Variants in SLC38A1 observed in about 807,000 individuals in gnomAD.
The protein encoded by SLC38A1 is sodium-coupled neutral amino acid symporter 1.
A neutral mutation model predicts 60.3 loss-of-function variants in SLC38A1; 18 were observed. That is an observed-to-expected ratio of 0.30 (90% CI 0.21 to 0.44). SLC38A1 has a LOEUF of 0.44. Ranked by LOEUF, SLC38A1 falls within the 20% of genes least tolerant of loss-of-function variation. SLC38A1 has a pLI of 1.00. For synonymous variants in SLC38A1, 196 were observed against 212.1 expected, an observed-to-expected ratio of 0.92 and a Z score of 0.66; for missense variants, 448 against 587.2, an observed-to-expected ratio of 0.76 and a Z score of 2.45.
At chr12:46,198,205 T>C (rs1238295328) in intron 14 of SLC38A1, 145 bp from the exon 15 acceptor site, 1 of 883,396 alleles carries the variant, frequency 1.1e-6, no homozygotes, top group Non-Finnish European at 1.7e-6. Flanking sequence ...GCTTAACAGT[T>C]TTGGAAGTAC....
chr12:46,256,479 G>A (rs1338610404), intron 1 of SLC38A1, among the ~76,000 whole-genome samples: 2 of 152,102 alleles, frequency 1.3e-5, no homozygotes, highest in African/African-American at 4.8e-5. Flanking sequence ...CTTAAGCTGG[G>A]AATTCAACCC....
chr12:46,210,674 G>A (rs1940121050), intron 5 of SLC38A1, among the ~76,000 whole-genome samples: 1 of 152,102 alleles, frequency 6.6e-6, no homozygotes, highest in Non-Finnish European at 1.5e-5. Flanking sequence ...TTGTGGTAGT[G>A]AATAAGTCTC....
intron 2 of SLC38A1, among the ~76,000 whole-genome samples, chr12:46,240,360 C>A (rs1474063902): frequency 6.6e-6 from 1 of 152,136 alleles, no homozygotes; most frequent in African/African-American, 2.4e-5. Flanking sequence ...CCACGCCTGG[C>A]AAATTTTTGT....
intron 13 of SLC38A1, among the ~76,000 whole-genome samples, chr12:46,199,806 G>T (rs1253876832): frequency 6.6e-6 from 1 of 152,066 alleles, no homozygotes; most frequent in Non-Finnish European, 1.5e-5. Context: ...TCCTGCAAGG[G>T]CCTCTCACTG....
chr12:46,201,717 T>C (rs2137064741), intron 12 of SLC38A1, among the ~76,000 whole-genome samples: 1 of 152,048 alleles, frequency 6.6e-6, no homozygotes, highest in Middle Eastern at 3.4e-3. Context: ...GCTGGAATGA[T>C]GAAGGGCTCC....
chr12:46,234,171 T>C (rs561934744), intron 3 of SLC38A1, among the ~76,000 whole-genome samples: 2 of 152,216 alleles, frequency 1.3e-5, no homozygotes, highest in Non-Finnish European at 2.9e-5. Context: ...CTACACTCTG[T>C]CAACACTGAA....
intron 5 of SLC38A1, among the ~76,000 whole-genome samples, chr12:46,226,819 G>C (rs1480586115): frequency 3.3e-5 from 5 of 152,012 alleles, no homozygotes; most frequent in African/African-American, 1.2e-4. Context: ...GTTTCACCAT[G>C]TTGGCAAGGC....
chr12:46,209,228 T>C (rs922948162), intron 5 of SLC38A1, 101 bp from the exon 6 acceptor site: 5 of 769,690 alleles, frequency 6.5e-6, no homozygotes, highest in African/African-American at 3.6e-5. Context: ...GTTAACACTA[T>C]TTGTTAATAG....
chr12:46,250,705 AAC>A (rs1941806800), intron 1 of SLC38A1, among the ~76,000 whole-genome samples: 1 of 152,178 alleles, frequency 6.6e-6, no homozygotes, highest in Admixed American at 6.5e-5. Context: ...CAGACAGACA[AAC>A]AGAGAGCCAA....
At chr12:46,233,653 T>A (rs1005861879) in intron 3 of SLC38A1, among the ~76,000 whole-genome samples, 2 of 152,202 alleles carry the variant, frequency 1.3e-5, no homozygotes, top group African/African-American at 4.8e-5. Flanking sequence ...AGTCCCTGTA[T>A]GACTGCCAGC....
chr12:46,202,690 G>A (rs763408708), intron 12 of SLC38A1, among the ~76,000 whole-genome samples: 29 of 152,132 alleles, frequency 1.9e-4, no homozygotes, highest in Admixed American at 3.9e-4. Flanking sequence ...ATACGCATAC[G>A]TAATGGAAAG....
chr12:46,231,744 A>G (rs1399040126), intron 3 of SLC38A1, among the ~76,000 whole-genome samples: 2 of 152,154 alleles, frequency 1.3e-5, no homozygotes, highest in Non-Finnish European at 2.9e-5. Flanking sequence ...GGCTCAAGTG[A>G]TTCTAGTGCC....
In SLC38A1 at chr12:46,217,882, T is replaced by C. The variant is rs556771475; in HGVS notation, c.315-8755A>G. ...ACCGTTCTTTCCATTTCTTTCCTTG[T>C]AGGTAAATCTAAGCTCTGTGGTGCA... On this transcript the variant is annotated intron_variant, in intron 5 of 16. Coordinates refer to ENST00000398637, the MANE Select transcript of SLC38A1 (RefSeq NM_030674.4). Among the ~76,000 whole-genome samples the C allele has an allele frequency of 9.8e-5, 15 of 152,346 alleles. No individual in the cohort carries two copies. In the South Asian group the frequency reaches 1.9e-3, roughly 19 times the overall value.
rs375394666 is a variant in SLC38A1, at chr12:46,266,687, G to C, written c.-209+1839C>G. Among the ~76,000 whole-genome samples the C allele has an allele frequency of 1.8e-4, 27 of 152,126 alleles. 1 individual carries two copies. The highest frequency in any genetic ancestry group is 8.5e-4 in the Admixed American group (13 of 15,282). ...ATATAGTCTATTTCCCCCTGAGAAC[G>C]GAAGCTTCATAGAAGGTGAAACAAA... On this transcript the variant is annotated intron_variant, in intron 1 of 16. Transcript: ENST00000398637.
At chr12:46,256,600 T>TGCGC (rs199718377) in intron 1 of SLC38A1, among the ~76,000 whole-genome samples, 40 of 141,646 alleles carry the variant, frequency 2.8e-4, no homozygotes, top group African/African-American at 9.5e-4. Flanking sequence ...TCATCCAGTT[T>TGCGC]GCGCGCGCGC....
intron 2 of SLC38A1, 83 bp from the exon 3 acceptor site, chr12:46,239,976 T>C: frequency 1.7e-6 from 1 of 586,874 alleles, no homozygotes; most frequent in Non-Finnish European, 2.9e-6. Flanking sequence ...AAACAAGTAG[T>C]TAATTTACTG....
rs768586956 is a variant in SLC38A1 at position 46,198,021 on chromosome 12, A to G, written c.1162T>C (p.Phe388Leu). Residue 388 changes from phenylalanine to leucine, a missense_variant, in exon 15 of 17, where the codon TTT becomes CTT. Phe to Leu is a conservative substitution (Grantham distance 22, BLOSUM62 0). Around this residue, in one of 2 missense-constraint regions of SLC38A1, gnomAD observed 346 missense variants for 497.5 expected, o/e 0.70. Coordinates refer to ENST00000398637, the MANE Select transcript of SLC38A1 (RefSeq NM_030674.4). ...ACCACGGTATGACGACATAAATTAA[A>G]CTTTGTTTTCTTAGCCAGTTCAAAT... ...SLFELAKKTKFNLCRHTVVTC... is the reference protein window; with the variant it reads ...SLFELAKKTKLNLCRHTVVTC... 3.1e-6 allele frequency: 5 copies of G among 1,613,876 alleles called. No individual in the cohort carries two copies. In the African/African-American group the frequency reaches 5.3e-5, roughly 17 times the overall value.
chr12:46,232,199 G>C (rs963946323), intron 3 of SLC38A1, among the ~76,000 whole-genome samples: 1 of 152,160 alleles, frequency 6.6e-6, no homozygotes, highest in Non-Finnish European at 1.5e-5. Context: ...AAAGGATGTG[G>C]AAGAAAAACC....
In SLC38A1 at chr12:46,184,015, C is replaced by T. The variant is rs919699682; in HGVS notation, c.*4955G>A. On this transcript the variant is annotated 3_prime_UTR_variant, in exon 17 of 17. Transcript: ENST00000398637. ...ATTTATTTACAATAATATTTACATACAAATGAAGTATTTCCTGCAATAAGC... is the reference window on the plus strand; with the variant it reads ...ATTTATTTACAATAATATTTACATATAAATGAAGTATTTCCTGCAATAAGC... The T allele has an allele frequency of 6.6e-6, 1 of 152,578 alleles. No individual in the cohort carries two copies. Among genetic ancestry groups the T allele is most frequent in the African/African-American group, 2.4e-5 (1 of 41,432 alleles). The allele number at this position is 152,578 out of a possible 1,614,324, so 9.5% of individuals were successfully genotyped here.
Sources: allele counts gnomAD v4.1 joint callset (sites outside exome capture counted in the v4.1 genomes callset), GRCh38; gene constraint gnomAD v4.1.1; regional missense constraint gnomAD v4.1.1; transcripts MANE v1.5; gene names NCBI Gene and HGNC (gene_info 2026-07-23, HGNC 2026-07-21).